BAZ2B: variants seen among roughly 807,000 people sequenced by gnomAD.
The protein encoded by BAZ2B is bromodomain adjacent to zinc finger domain protein 2B.
A neutral mutation model predicts 246.0 loss-of-function variants in BAZ2B; 91 were observed. The ratio of observed to expected loss-of-function variants is 0.37; its 90% CI spans 0.31 to 0.44. BAZ2B has a LOEUF of 0.44. Ranked by LOEUF, BAZ2B falls within the 20% of genes least tolerant of loss-of-function variation. The pLI, the probability that BAZ2B is intolerant of heterozygous loss-of-function variation, is 1.00. For missense variants in BAZ2B, 2,332 were observed against 2,533.7 expected, an observed-to-expected ratio of 0.92 and a Z score of 1.71; for synonymous variants, 855 against 860.0, an observed-to-expected ratio of 0.99 and a Z score of 0.10.
At chr2:159,687,289 C>G in the BAZ2B span, among the ~76,000 whole-genome samples, 1 of 152,064 alleles carries the variant, frequency 6.6e-6, no homozygotes, top group East Asian at 1.9e-4. Flanking sequence ...TCAACCATAC[C>G]TGAATTTATG....
chr2:159,699,090 G>C, the BAZ2B span, among the ~76,000 whole-genome samples: 1 of 152,188 alleles, frequency 6.6e-6, no homozygotes, highest in Non-Finnish European at 1.5e-5. Context: ...TGGTAACGGA[G>C]CAAGGAATAT....
At chr2:159,429,616 G>A (rs1256950516) in intron 10 of BAZ2B, among the ~76,000 whole-genome samples, 1 of 152,050 alleles carries the variant, frequency 6.6e-6, no homozygotes, top group Non-Finnish European at 1.5e-5. Flanking sequence ...TTGAAAATAG[G>A]AGTTTTTGGA....
intron 1 of BAZ2B, among the ~76,000 whole-genome samples, chr2:159,587,707 CG>C (rs1199721181): frequency 3.3e-5 from 5 of 152,066 alleles, no homozygotes; most frequent in Admixed American, 2.6e-4. Flanking sequence ...TCTAATTCTC[CG>C]GATGTACTTA....
rs550226037 is a variant in BAZ2B, at chr2:159,432,021, T to G, written c.1900+736A>C. ...GTGGTTTTACCCTGAGCACGAAGTT[T>G]GTTTTTAACTTACAGACACTTTAAA... On this transcript the variant is annotated intron_variant, in intron 9 of 36. Coordinates refer to ENST00000392783, the MANE Select transcript of BAZ2B (RefSeq NM_013450.4). Among the ~76,000 whole-genome samples the G allele has an allele frequency of 9.2e-5, 14 of 152,336 alleles. 1 individual carries two copies. Among genetic ancestry groups the G allele is most frequent in the Middle Eastern group, 3.4e-3 (1 of 294 alleles).
At chr2:159,588,616 T>G (rs1688602378) in intron 1 of BAZ2B, among the ~76,000 whole-genome samples, 1 of 152,168 alleles carries the variant, frequency 6.6e-6, no homozygotes, top group South Asian at 2.1e-4. Context: ...TTTGCAGATG[T>G]TTAGCACTGC....
intron 1 of BAZ2B, among the ~76,000 whole-genome samples, chr2:159,608,029 TTCAAACAACG>T (rs1261322284): frequency 6.6e-6 from 1 of 152,216 alleles, no homozygotes; most frequent in Non-Finnish European, 1.5e-5. Flanking sequence ...ACTTTACTTT[TTCAAACAACG>T]TCTAAATTTT....
intron 2 of BAZ2B, among the ~76,000 whole-genome samples, chr2:159,482,256 C>T (rs191973721): frequency 6.6e-6 from 1 of 151,986 alleles, no homozygotes; most frequent in East Asian, 1.9e-4. Flanking sequence ...TACATTGTGT[C>T]ACTGAGATAT....
At chr2:159,420,481 GC>G (rs2068552035) in intron 13 of BAZ2B, among the ~76,000 whole-genome samples, 1 of 151,932 alleles carries the variant, frequency 6.6e-6, no homozygotes, top group Non-Finnish European at 1.5e-5. Flanking sequence ...TCAATTTTAT[GC>G]TTTTTTTGGG....
intron 2 of BAZ2B, among the ~76,000 whole-genome samples, chr2:159,552,676 T>A (rs901277394): frequency 6.6e-6 from 1 of 152,196 alleles, no homozygotes; most frequent in Non-Finnish European, 1.5e-5. Context: ...TGTATTAATA[T>A]CCTTATTTCA....
the BAZ2B span, among the ~76,000 whole-genome samples, chr2:159,630,800 C>T: frequency 6.6e-6 from 1 of 152,178 alleles, no homozygotes; most frequent in Non-Finnish European, 1.5e-5. Context: ...TCCCAAAGTG[C>T]TGGGATTACA....
At chr2:159,365,701 T>C (rs1023122615) in intron 27 of BAZ2B, among the ~76,000 whole-genome samples, 2 of 152,220 alleles carry the variant, frequency 1.3e-5, no homozygotes, top group Non-Finnish European at 2.9e-5. Flanking sequence ...CCATATAGTA[T>C]ACTCTATCCA....
chr2:159,553,392 C>CAAAAAAAAAAAAAAAA (rs35253250), intron 2 of BAZ2B, among the ~76,000 whole-genome samples: 17 of 73,808 alleles, frequency 2.3e-4, no homozygotes, highest in Non-Finnish European at 2.7e-4. Flanking sequence ...GACTCTGTCT[C>CAAAAAAAAAAAAAAAA]AAAAAAAAAA....
intron 1 of BAZ2B, among the ~76,000 whole-genome samples, chr2:159,562,071 A>G (rs1255636779): frequency 2.0e-5 from 3 of 152,344 alleles, no homozygotes; most frequent in South Asian, 2.1e-4. Flanking sequence ...GACTAAAACT[A>G]AATTTACATT....
the BAZ2B span, among the ~76,000 whole-genome samples, chr2:159,658,292 G>A: frequency 1.3e-5 from 2 of 151,882 alleles, no homozygotes; most frequent in Admixed American, 6.6e-5. Context: ...GTATATAATT[G>A]TTTTTGTGCA....
the BAZ2B span, among the ~76,000 whole-genome samples, chr2:159,670,105 C>T: frequency 6.6e-5 from 10 of 151,872 alleles, no homozygotes; most frequent in South Asian, 1.0e-3. Context: ...CAAGTAGCCG[C>T]GACTACAGGC....
the BAZ2B span, among the ~76,000 whole-genome samples, chr2:159,647,762 T>G: frequency 6.6e-6 from 1 of 152,178 alleles, no homozygotes; most frequent in East Asian, 1.9e-4. Flanking sequence ...TTTGAAAAAG[T>G]AATGTGATGG....
Position 159,512,333 on chromosome 2 carries a change from T to C in BAZ2B, c.-2-33612A>G, listed in dbSNP as rs193088013. ...AGGCAAAAGGTTTAAGTTTTTAAAA[T>C]ATGGCATTGTCACCTCAAAAGTAAG... On this transcript the variant is annotated intron_variant, in intron 2 of 36. Transcript: ENST00000392783. 1.8e-4 allele frequency among the ~76,000 whole-genome samples: 27 copies of C among 152,336 alleles called. No homozygotes were observed. The East Asian group carries it at 3.9e-3, about 22-fold the overall frequency.
chr2:159,606,717 A>C (rs534646909), intron 1 of BAZ2B, among the ~76,000 whole-genome samples: 2 of 152,306 alleles, frequency 1.3e-5, no homozygotes, highest in African/African-American at 4.8e-5. Flanking sequence ...AATGTTCATC[A>C]CAATACTGCA....
the BAZ2B span, chr2:159,710,852 A>C: frequency 2.6e-5 from 4 of 152,220 alleles, no homozygotes; most frequent in East Asian, 7.7e-4. Flanking sequence ...AAAAGGGTGC[A>C]GTCATTTCTC....
Sources: gnomAD v4.1 joint callset for allele counts (sites outside exome capture counted in the v4.1 genomes callset) on GRCh38, gnomAD v4.1.1 for gene constraint, MANE v1.5 for transcripts, NCBI Gene and HGNC (gene_info 2026-07-23, HGNC 2026-07-21) for gene names.